The following TENM3 variants were observed in gnomAD, a reference collection of about 807,000 sequenced individuals.
The protein encoded by TENM3 is teneurin-3.
TENM3 carries 63 observed loss-of-function variants against 255.1 expected under a neutral mutation model. That is an observed-to-expected ratio of 0.25 (90% confidence interval 0.20 to 0.30). The LOEUF (loss-of-function observed/expected upper bound fraction) is 0.30. Among genes scored for constraint, TENM3 ranks in the 10% least tolerant of loss-of-function variants. The pLI is 1.00. For synonymous variants in TENM3, 1,306 were observed against 1,322.3 expected, an observed-to-expected ratio of 0.99 and a Z score of 0.27; for missense variants, 2,929 against 3,461.1, an observed-to-expected ratio of 0.85 and a Z score of 3.86.
chr4:181,611,207 G>C, the TENM3 span, among the ~76,000 whole-genome samples: 1 of 152,130 alleles, frequency 6.6e-6, no homozygotes, highest in Non-Finnish European at 1.5e-5. Flanking sequence ...GACGTTTCTG[G>C]TTTTCTCCGT....
At chr4:182,531,845 A>G (rs1364199854) in intron 3 of TENM3, among the ~76,000 whole-genome samples, 2 of 152,242 alleles carry the variant, frequency 1.3e-5, no homozygotes, top group Non-Finnish European at 1.5e-5. Context: ...CGGATTCAGC[A>G]TAAACTGCAC....
the TENM3 span, among the ~76,000 whole-genome samples, chr4:181,844,103 G>A: frequency 6.6e-6 from 1 of 152,070 alleles, no homozygotes; most frequent in Non-Finnish European, 1.5e-5. Flanking sequence ...AGGGAAGGAT[G>A]CCAAAGTCAT....
At chr4:181,468,888 A>G in the TENM3 span, among the ~76,000 whole-genome samples, 3 of 152,212 alleles carry the variant, frequency 2.0e-5, no homozygotes, top group Non-Finnish European at 4.4e-5. Context: ...ACATTTTACT[A>G]ACCTCTTTTG....
At chr4:182,590,619 G>T (rs1026993049) in intron 3 of TENM3, among the ~76,000 whole-genome samples, 2 of 151,220 alleles carry the variant, frequency 1.3e-5, no homozygotes, top group East Asian at 1.9e-4. Context: ...CAACACTTTG[G>T]GGGGCTGAGG....
chr4:182,631,942 G>A (rs1427236087), intron 5 of TENM3, among the ~76,000 whole-genome samples: 1 of 152,080 alleles, frequency 6.6e-6, no homozygotes, highest in Non-Finnish European at 1.5e-5. Context: ...AGAGAGGCAA[G>A]GAGGGAGGGA....
the TENM3 span, among the ~76,000 whole-genome samples, chr4:181,495,630 G>A: frequency 1.3e-5 from 2 of 152,036 alleles, no homozygotes; most frequent in African/African-American, 4.8e-5. Context: ...GTATGACGAC[G>A]ACACTTTGCG....
chr4:181,569,076 T>C, the TENM3 span, among the ~76,000 whole-genome samples: 1 of 152,208 alleles, frequency 6.6e-6, no homozygotes, highest in Admixed American at 6.5e-5. Context: ...CTCATGCCTA[T>C]AATCCCAGCA....
intron 24 of TENM3, among the ~76,000 whole-genome samples, chr4:182,788,882 T>C (rs1765887781): frequency 6.6e-6 from 1 of 152,206 alleles, no homozygotes; most frequent in African/African-American, 2.4e-5. Flanking sequence ...TTAATTGAAA[T>C]GGTTTTGAAC....
the TENM3 span, among the ~76,000 whole-genome samples, chr4:181,738,185 G>C: frequency 6.6e-6 from 1 of 152,178 alleles, no homozygotes; most frequent in South Asian, 2.1e-4. Flanking sequence ...AAAATCTATA[G>C]TTTCTTTTGT....
intron 1 of TENM3, among the ~76,000 whole-genome samples, chr4:182,271,880 A>AT (rs1036115549): frequency 6.6e-5 from 10 of 152,080 alleles, no homozygotes; most frequent in African/African-American, 2.2e-4. Context: ...CTTATTGTTA[A>AT]TTTTTTCTGT....
chr4:182,431,264 G>T (rs1771619014), intron 3 of TENM3, among the ~76,000 whole-genome samples: 1 of 151,942 alleles, frequency 6.6e-6, no homozygotes, highest in South Asian at 2.1e-4. Context: ...GGGAGACCGA[G>T]ACAGGCGGAT....
At chr4:181,496,106 A>C in the TENM3 span, among the ~76,000 whole-genome samples, 1 of 152,232 alleles carries the variant, frequency 6.6e-6, no homozygotes, top group East Asian at 1.9e-4. Context: ...GGTATTGAAT[A>C]TACTTTGTGA....
At position 182,789,044 on chromosome 4, in the gene TENM3, G is replaced by C. The variant is rs374903150; in HGVS notation, c.5305-49G>C. Reference sequence around the variant, plus strand: ...TGTTTAAACAATACTGGGGACTCCGGTGTTGGAATAACATGATTTATTTTA... The same window carrying C: ...TGTTTAAACAATACTGGGGACTCCGCTGTTGGAATAACATGATTTATTTTA... On this transcript the variant is annotated intron_variant, in intron 24 of 27. Transcript: ENST00000511685. The surrounding 1 kb of genome is among the most constrained non-coding windows in gnomAD (Gnocchi z 4.4). The C allele has an allele frequency of 2.7e-6, 4 of 1,490,092 alleles. No individual in the cohort carries two copies. In the South Asian group the frequency reaches 5.2e-5, roughly 19 times the overall value. 92.3% of individuals were successfully genotyped at this position (1,490,092 alleles called of 1,614,324 possible).
At position 182,751,931 on chromosome 4, in the gene TENM3, C is replaced by T. The variant is rs1350633097; in HGVS notation, c.3761C>T (p.Ala1254Val). The change falls in exon 20 of 28, where the codon GCA becomes GTA. Residue 1254 changes from alanine (A) to valine (V), a missense_variant. Coordinates refer to ENST00000511685, the MANE Select transcript of TENM3 (RefSeq NM_001080477.4). ...LTGAKDLTKN[A>V]EVVAGTGEQC... The stretch of plus-strand genomic sequence containing the variant: ...GGGGCAAAAGACTTGACTAAAAATG[C>T]AGAAGTCGTCGCAGGGACAGGGGAG... The T allele has an allele frequency of 6.2e-7, 1 of 1,613,762 alleles. No individual in the cohort carries two copies. The highest frequency in any genetic ancestry group is 8.5e-7 in the Non-Finnish European group (1 of 1,179,892).
At chr4:181,666,223 CAGAA>C in the TENM3 span, among the ~76,000 whole-genome samples, 4 of 152,244 alleles carry the variant, frequency 2.6e-5, no homozygotes, top group Middle Eastern at 6.8e-3. Context: ...AAAAAAAACT[CAGAA>C]AGAAATTGTT....
At chr4:182,123,867 G>A in the TENM3 span, among the ~76,000 whole-genome samples, 8 of 152,114 alleles carry the variant, frequency 5.3e-5, no homozygotes, top group African/African-American at 1.7e-4. Flanking sequence ...TCTATTTCCT[G>A]ATGAATTAGA....
the TENM3 span, among the ~76,000 whole-genome samples, chr4:181,546,419 AG>A: frequency 6.6e-5 from 10 of 152,204 alleles, no homozygotes; most frequent in African/African-American, 2.4e-4. Context: ...GCTATTCTAC[AG>A]AAATGGCACC....
chr4:181,641,552 GTGTATATATATATATATATATATATA>G, the TENM3 span, among the ~76,000 whole-genome samples: 5 of 21,694 alleles, frequency 2.3e-4, no homozygotes, highest in Non-Finnish European at 4.3e-4. Flanking sequence ...CATGGTGTGT[GTGTATATATATATATATATATATATA>G]TATATATATA....
the TENM3 span, among the ~76,000 whole-genome samples, chr4:181,566,252 C>T: frequency 6.6e-6 from 1 of 152,130 alleles, no homozygotes; most frequent in Non-Finnish European, 1.5e-5. Flanking sequence ...TTGCTTTCTC[C>T]AGAACACTTA....
Sources: gnomAD v4.1 joint callset for allele counts (sites outside exome capture counted in the v4.1 genomes callset) on GRCh38, gnomAD v4.1.1 for gene constraint, Gnocchi (gnomAD v3.1) non-coding constraint, MANE v1.5 for transcripts, NCBI Gene and HGNC (gene_info 2026-07-23, HGNC 2026-07-21) for gene names.